PRKG1: variants seen among roughly 807,000 people sequenced by gnomAD.
The protein encoded by PRKG1 is cGMP-dependent protein kinase 1.
In PRKG1, 35 loss-of-function variants were observed where a neutral mutation model predicts 88.1. The observed-to-expected ratio is 0.40, with a 90% CI of 0.30 to 0.53. PRKG1 has a LOEUF of 0.53. PRKG1 is among the 20% of genes least tolerant of loss of function. The probability of loss-of-function intolerance (pLI) is 0.59; values close to 1 mark genes in which losing one functional copy is unlikely to be tolerated. For synonymous variants in PRKG1, 303 were observed against 292.5 expected (o/e 1.04, Z -0.37); for missense variants, 540 against 839.8 (o/e 0.64, Z 4.41).
chr10:51,422,226 C>T (rs371699497), intron 2 of PRKG1, among the ~76,000 whole-genome samples: 1 of 152,140 alleles, frequency 6.6e-6, no homozygotes, highest in East Asian at 1.9e-4. Context: ...GATTATTAAC[C>T]ACAATAGTTT....
At chr10:51,711,399 T>C (rs1564617224) in intron 3 of PRKG1, among the ~76,000 whole-genome samples, 1 of 152,206 alleles carries the variant, frequency 6.6e-6, no homozygotes, top group Non-Finnish European at 1.5e-5. Context: ...CCACTGCGCC[T>C]GGCCTGACCT....
intron 3 of PRKG1, among the ~76,000 whole-genome samples, chr10:51,640,968 C>A (rs1839783953): frequency 6.6e-6 from 1 of 151,872 alleles, no homozygotes; most frequent in Admixed American, 6.6e-5. Context: ...AGTTTTGTAA[C>A]CCTGACTATA....
intron 1 of PRKG1, among the ~76,000 whole-genome samples, chr10:51,151,201 T>A (rs1846064270): frequency 6.6e-6 from 1 of 151,884 alleles, no homozygotes; most frequent in Non-Finnish European, 1.5e-5. Flanking sequence ...AAGATTAATT[T>A]TCTGAATGCC....
chr10:51,226,032 C>T (rs185660649), intron 2 of PRKG1, among the ~76,000 whole-genome samples: 175 of 152,100 alleles, frequency 1.2e-3, no homozygotes, highest in African/African-American at 4.0e-3. Flanking sequence ...GGTGAAACAC[C>T]GCCTCTACTA....
intron 1 of PRKG1, among the ~76,000 whole-genome samples, chr10:51,082,410 A>G (rs1430461615): frequency 1.3e-5 from 2 of 152,196 alleles, no homozygotes; most frequent in Admixed American, 6.5e-5. Flanking sequence ...TTTCCTGCGC[A>G]TTAGAATCAC....
intron 10 of PRKG1, among the ~76,000 whole-genome samples, chr10:52,270,810 T>A (rs1296797812): frequency 2.6e-5 from 4 of 151,834 alleles, no homozygotes; most frequent in African/African-American, 9.7e-5. Flanking sequence ...ACATGGCACA[T>A]GTATACATAT....
intron 7 of PRKG1, among the ~76,000 whole-genome samples, chr10:52,099,104 T>G (rs1372030462): frequency 1.3e-5 from 2 of 152,202 alleles, no homozygotes; most frequent in African/African-American, 4.8e-5. Context: ...ATAGCTGGAC[T>G]GTTACAAGTT....
intron 3 of PRKG1, among the ~76,000 whole-genome samples, chr10:51,637,351 A>G (rs2132291121): frequency 6.6e-6 from 1 of 152,332 alleles, no homozygotes; most frequent in South Asian, 2.1e-4. Flanking sequence ...ATTGTGGAAG[A>G]CAGTGTGGCA....
At chr10:51,370,922 A>C (rs1842693021) in intron 2 of PRKG1, among the ~76,000 whole-genome samples, 1 of 152,126 alleles carries the variant, frequency 6.6e-6, no homozygotes, top group Admixed American at 6.6e-5. Context: ...AACCAGCTCT[A>C]CAGTTTGGCA....
At chr10:51,642,478 A>G (rs1222354016) in intron 3 of PRKG1, among the ~76,000 whole-genome samples, 2 of 152,224 alleles carry the variant, frequency 1.3e-5, no homozygotes, top group African/African-American at 2.4e-5. Context: ...TGAACCTGCT[A>G]TTCAAGACAT....
At chr10:52,047,664 A>G (rs1208096281) in intron 5 of PRKG1, among the ~76,000 whole-genome samples, 2 of 152,090 alleles carry the variant, frequency 1.3e-5, no homozygotes, top group African/African-American at 4.8e-5. Context: ...CTGGTTGCCT[A>G]CCTTACTAGC....
chr10:52,257,999 G>T (rs1279224030), intron 10 of PRKG1, among the ~76,000 whole-genome samples: 1 of 139,088 alleles, frequency 7.2e-6, no homozygotes, highest in Non-Finnish European at 1.6e-5. Context: ...TCTCATTATT[G>T]TAGAATAAAT....
chr10:51,361,789 G>A (rs1362876094), intron 2 of PRKG1, among the ~76,000 whole-genome samples: 1 of 151,746 alleles, frequency 6.6e-6, no homozygotes, highest in Admixed American at 6.6e-5. Flanking sequence ...TATTACCTAT[G>A]TTGGATTTTT....
intron 3 of PRKG1, among the ~76,000 whole-genome samples, chr10:51,547,902 T>C (rs1842478879): frequency 6.6e-6 from 1 of 152,164 alleles, no homozygotes; most frequent in African/African-American, 2.4e-5. Flanking sequence ...TCAAAGTTGG[T>C]GAATGAATTA....
chr10:51,365,881 T>C (rs539792564), intron 2 of PRKG1, among the ~76,000 whole-genome samples: 28 of 151,680 alleles, frequency 1.8e-4, no homozygotes, highest in Admixed American at 7.9e-4. Flanking sequence ...CATAGCTTTG[T>C]ACTAAATCTT....
intron 5 of PRKG1, among the ~76,000 whole-genome samples, chr10:51,998,326 G>T (rs879327019): frequency 3.3e-5 from 5 of 151,814 alleles, no homozygotes; most frequent in Admixed American, 6.6e-5. Context: ...TCTTGATTTC[G>T]TGTGGGAGCT....
At chr10:52,114,833 A>G (rs1343499304) in intron 7 of PRKG1, among the ~76,000 whole-genome samples, 2 of 152,124 alleles carry the variant, frequency 1.3e-5, no homozygotes, top group Non-Finnish European at 2.9e-5. Context: ...ATGGGAATAC[A>G]TGGTGCACCA....
At chr10:52,275,692 G>A (rs1388128537) in intron 12 of PRKG1, among the ~76,000 whole-genome samples, 2 of 151,978 alleles carry the variant, frequency 1.3e-5, no homozygotes, top group Admixed American at 1.3e-4. Flanking sequence ...ATGAATTTTA[G>A]AATTTTTTTT....
chr10:52,254,152 A>G (rs756466225), intron 10 of PRKG1, among the ~76,000 whole-genome samples: 1 of 152,036 alleles, frequency 6.6e-6, no homozygotes, highest in African/African-American at 2.4e-5. Context: ...TGTACATAAC[A>G]TTGTCACGGA....
Sources: allele counts gnomAD v4.1 joint callset (sites outside exome capture counted in the v4.1 genomes callset), GRCh38; gene constraint gnomAD v4.1.1; transcripts MANE v1.5; gene names NCBI Gene and HGNC (gene_info 2026-07-23, HGNC 2026-07-21).